The following HSPA9 variants were observed in gnomAD, a reference collection of about 807,000 sequenced individuals.
The protein encoded by HSPA9 is heat shock protein family A (Hsp70) member 9.
A neutral mutation model predicts 81.5 loss-of-function variants in HSPA9; 28 were observed. The observed-to-expected ratio is 0.34, with a 90% CI of 0.25 to 0.47. HSPA9 has a LOEUF of 0.47. HSPA9 is among the 20% of genes least tolerant of loss of function. HSPA9 has a pLI of 1.00. For synonymous variants in HSPA9, 293 were observed against 290.4 expected (o/e 1.01, Z -0.09); for missense variants, 678 against 838.0 (o/e 0.81, Z 2.36).
intron 11 of HSPA9, chr5:138,558,858 C>T: frequency 3.6e-6 from 2 of 549,164 alleles, no homozygotes; most frequent in Non-Finnish European, 3.3e-6. Flanking sequence ...ACTGTTTCAG[C>T]TAAGCAAATG....
Position 138,575,245 on chromosome 5 carries a change from C to T in HSPA9, c.74G>A (p.Arg25His). The T allele has an allele frequency of 1.2e-6, 2 of 1,601,380 alleles. No individual in the cohort carries two copies. Among genetic ancestry groups the T allele is most frequent in the Non-Finnish European group, 8.5e-7 (1 of 1,174,852 alleles). The stretch of plus-strand genomic sequence containing the variant: ...AAGGTCCCAGTTCCTCACCTGGTGG[C>T]GGGCGGCCGTAGGGCCCCGGGAGGC... ...AAASRGPTAA[R>H]HQDSWNGLSH... is the part of the protein sequence containing the mutation. The change falls in exon 1 of 17, where the codon CGC becomes CAC. Residue 25 changes from arginine (R) to histidine (H), a missense_variant. Physicochemically the swap from Arg to His is conservative, Grantham distance 29. Around this residue, in one of 4 missense-constraint regions of HSPA9, gnomAD observed 89 missense variants for 70.4 expected, o/e 1.27. Transcript: ENST00000297185.
intron 9 of HSPA9, among the ~76,000 whole-genome samples, chr5:138,563,617 A>G (rs947033362): frequency 2.6e-5 from 4 of 152,166 alleles, no homozygotes; most frequent in Admixed American, 6.5e-5. Context: ...TCGACACATG[A>G]CCATGTTACT....
chr5:138,556,937 CAAT>C lies in HSPA9; in HGVS notation c.1729-74_1729-72del, dbSNP rs1332785509. ...AGTTTGCTGAATGTCTATACTCAGA[CAAT>C]AAGCTATGTGTTACATACAGTTACA... On this transcript the variant is annotated intron_variant, in intron 14 of 16. Coordinates refer to ENST00000297185, the MANE Select transcript of HSPA9 (RefSeq NM_004134.7). 5.6e-5 allele frequency: 57 copies of C among 1,011,472 alleles called. No individual in the cohort carries two copies. The Middle Eastern group carries it at 1.1e-3, about 19-fold the overall frequency. 62.7% of individuals were successfully genotyped at this position (1,011,472 alleles called of 1,614,324 possible). A position where few individuals can be genotyped will look rare whatever the true frequency, so the allele number is the denominator to read the frequency against.
At chr5:138,574,846 C>T (rs572652650) in intron 1 of HSPA9, 1 of 207,178 alleles carries the variant, frequency 4.8e-6, no homozygotes, top group African/African-American at 2.3e-5. Flanking sequence ...TTTATTTCAC[C>T]GTATCAACGG....
intron 9 of HSPA9, among the ~76,000 whole-genome samples, chr5:138,564,092 T>G (rs1347422577): frequency 6.6e-6 from 1 of 152,178 alleles, no homozygotes; most frequent in Non-Finnish European, 1.5e-5. Flanking sequence ...AGATTATTTT[T>G]ATTATTTTTA....
intron 1 of HSPA9, chr5:138,574,764 A>G (rs1434480235): frequency 1.2e-5 from 2 of 173,910 alleles, no homozygotes; most frequent in African/African-American, 4.8e-5. Context: ...AACGAGTACA[A>G]TCTTACACCA....
intron 3 of HSPA9, among the ~76,000 whole-genome samples, chr5:138,572,722 T>A (rs1375356290): frequency 6.6e-6 from 1 of 152,238 alleles, no homozygotes; most frequent in Non-Finnish European, 1.5e-5. Context: ...CCCACTTGTT[T>A]GGCACCAAGA....
intron 1 of HSPA9, 48 bp from the exon 2 acceptor site, chr5:138,574,174 G>A: frequency 7.3e-7 from 1 of 1,377,194 alleles, no homozygotes; most frequent in South Asian, 1.2e-5. Flanking sequence ...TGTATCCTGG[G>A]AGGAAAAAGA....
chr5:138,557,783 G>T, intron 13 of HSPA9, 86 bp downstream of exon 13: 2 of 850,912 alleles, frequency 2.4e-6, no homozygotes, highest in Non-Finnish European at 4.1e-6. Flanking sequence ...TAACTGAGGG[G>T]CAAAGAGGAC....
chr5:138,570,324 G>T (rs912065891), intron 4 of HSPA9, among the ~76,000 whole-genome samples: 1 of 151,834 alleles, frequency 6.6e-6, no homozygotes, highest in Non-Finnish European at 1.5e-5. Flanking sequence ...GAGGGGGGAA[G>T]AAAAAAGAAA....
intron 11 of HSPA9, chr5:138,558,905 C>T (rs1266568138): frequency 4.6e-6 from 2 of 437,428 alleles, no homozygotes; most frequent in African/African-American, 2.0e-5. Context: ...CAGAAGTCCT[C>T]AAAAGGAACT....
intron 14 of HSPA9, 172 bp from the exon 15 acceptor site, chr5:138,557,038 G>A (rs1256497938): frequency 3.0e-6 from 2 of 658,080 alleles, no homozygotes; most frequent in Admixed American, 4.8e-5. Flanking sequence ...AGAGATTTGG[G>A]CTAGATTTTG....
At chr5:138,556,891 G>C in intron 14 of HSPA9, 25 bp from the exon 15 acceptor site, 1 of 1,558,592 alleles carries the variant, frequency 6.4e-7, no homozygotes, top group Non-Finnish European at 8.8e-7. Flanking sequence ...AAGTTTAAAC[G>C]AAGACTTTCC....
rs1750512373 is a variant in HSPA9 at position 138,556,068 on chromosome 5, T to C, written c.2009A>G (p.Gln670Arg). ...EGSGSSGTGEQKEDQKEEKQ is the reference protein window; with the variant it reads ...EGSGSSGTGERKEDQKEEKQ ...TTTTTCCTCCTTTTGATCTTCCTTT[T>C]GTTCCCCAGTGCCAGAACTTCCAGA... The change falls in exon 17 of 17, where the codon CAA becomes CGA. Residue 670 changes from glutamine to arginine, a missense_variant. Physicochemically the swap from Gln to Arg is conservative, Grantham distance 43. This residue lies in a region of HSPA9 where 100 missense variants were observed against 99.5 expected (regional missense o/e 1.00). Coordinates refer to ENST00000297185, the MANE Select transcript of HSPA9 (RefSeq NM_004134.7). 1.2e-6 allele frequency: 2 copies of C among 1,613,536 alleles called. No homozygotes were observed. Among genetic ancestry groups the C allele is most frequent in the Admixed American group, 3.3e-5 (2 of 60,006 alleles).
intron 10 of HSPA9, chr5:138,561,194 A>G: frequency 2.4e-6 from 1 of 414,592 alleles, no homozygotes. Context: ...CCAAGGTTTT[A>G]TGTTCCCCTC....
intron 3 of HSPA9, 54 bp downstream of exon 3, chr5:138,573,709 G>T: frequency 1.1e-6 from 1 of 870,908 alleles, no homozygotes. Flanking sequence ...AAGGAAAAGA[G>T]CACAGAATTC....
rs546118492 is a variant in HSPA9 at position 138,575,386 on chromosome 5, T to G, written c.-68A>C. ...GACGGCAAAGAGCTGCGCGATGCGG[T>G]GGCGGCAGCGCTTCTGGAAACCTCC... On this transcript the variant is annotated 5_prime_UTR_variant, in exon 1 of 17. Transcript: ENST00000297185. 5 of 1,363,034 alleles carry G rather than the reference T, an allele frequency of 3.7e-6. No individual in the cohort carries two copies. The highest frequency in any genetic ancestry group is 1.2e-5 in the South Asian group (1 of 83,348). The allele number at this position is 1,363,034 out of a possible 1,614,324, so 84.4% of individuals were successfully genotyped here.
chr5:138,561,944 CTT>C (rs112918142), intron 9 of HSPA9, among the ~76,000 whole-genome samples, 155 bp from the exon 10 acceptor site: 3 of 145,610 alleles, frequency 2.1e-5, no homozygotes, highest in African/African-American at 2.5e-5. Flanking sequence ...ACCAAGAATA[CTT>C]TTTTTTTTTT....
rs753435081 is a variant in HSPA9 at position 138,556,498 on chromosome 5, G to A, written c.1916C>T (p.Ser639Phe). The A allele has an allele frequency of 7.4e-6, 12 of 1,613,888 alleles. No individual in the cohort carries two copies. The highest frequency in any genetic ancestry group is 3.3e-4 in the Middle Eastern group (2 of 6,080). Residue 639 changes from serine (S) to phenylalanine (F), a missense_variant, in exon 16 of 17, where the codon TCT (serine) becomes TTT (phenylalanine). This residue lies in a region of HSPA9 where 100 missense variants were observed against 99.5 expected (regional missense o/e 1.00). Transcript: ENST00000297185. ...CAGCTTCAGTGATGCCTGCTGAAGA[G>A]AGGATGCTGCCTGTCTAATATTTTC... The part of the protein sequence containing the change: ...TGENIRQAAS[S>F]LQQASLKLFE...
Sources: allele counts gnomAD v4.1 joint callset (sites outside exome capture counted in the v4.1 genomes callset), GRCh38; gene constraint gnomAD v4.1.1; regional missense constraint gnomAD v4.1.1; transcripts MANE v1.5; gene names NCBI Gene and HGNC (gene_info 2026-07-23, HGNC 2026-07-21).